C12orf75: variants seen among roughly 807,000 people sequenced by gnomAD.
The protein encoded by C12orf75 is overexpressed in colon carcinoma 1 protein.
C12orf75 carries 4 observed loss-of-function variants against 11.4 expected under a neutral mutation model. That is an observed-to-expected ratio of 0.35 (90% CI 0.17 to 0.80). The LOEUF (loss-of-function observed/expected upper bound fraction) is 0.80, where lower values mean the gene tolerates loss of function less well. Ranked by LOEUF, C12orf75 falls within the 30% of genes least tolerant of loss-of-function variation. C12orf75 has a pLI of 0.52. For synonymous variants in C12orf75, 30 were observed against 30.0 expected, an observed-to-expected ratio of 1.00 and a Z score of 0.00; for missense variants, 89 against 80.4, an observed-to-expected ratio of 1.11 and a Z score of -0.41.
chr12:105,369,908 T>C (rs1395025149), intron 5 of C12orf75, among the ~76,000 whole-genome samples: 1 of 152,220 alleles, frequency 6.6e-6, no homozygotes, highest in African/African-American at 2.4e-5. Flanking sequence ...GAGATGACTT[T>C]AGAAAAGAGA....
chr12:105,345,575 C>G (rs1592878877), intron 1 of C12orf75, among the ~76,000 whole-genome samples: 1 of 149,680 alleles, frequency 6.7e-6, no homozygotes, highest in African/African-American at 2.5e-5. Flanking sequence ...GCAAAGCTGT[C>G]GTTTGTGGGG....
intron 2 of C12orf75, among the ~76,000 whole-genome samples, chr12:105,362,784 G>T (rs1892891087): frequency 1.3e-5 from 2 of 152,190 alleles, no homozygotes; most frequent in African/African-American, 2.4e-5. Context: ...ACAAATCTGG[G>T]TTTGAATTCT....
chr12:105,346,489 C>T (rs1037203425), intron 1 of C12orf75, among the ~76,000 whole-genome samples: 2 of 152,148 alleles, frequency 1.3e-5, no homozygotes, highest in African/African-American at 2.4e-5. Flanking sequence ...ATCAAAAACA[C>T]TCTACTGTTG....
intron 1 of C12orf75, among the ~76,000 whole-genome samples, chr12:105,342,886 A>G (rs935879666): frequency 2.6e-5 from 4 of 152,246 alleles, no homozygotes; most frequent in Non-Finnish European, 5.9e-5. Flanking sequence ...GGGATTTGCT[A>G]TGCATTTTTA....
intron 4 of C12orf75, among the ~76,000 whole-genome samples, chr12:105,367,030 A>G (rs556243105): frequency 1.3e-5 from 2 of 152,376 alleles, no homozygotes; most frequent in African/African-American, 2.4e-5. Flanking sequence ...TTTCTGTAAT[A>G]TAAGATGACT....
intron 1 of C12orf75, among the ~76,000 whole-genome samples, chr12:105,331,171 G>T (rs1357607842): frequency 1.3e-5 from 2 of 151,950 alleles, no homozygotes; most frequent in African/African-American, 4.8e-5. Flanking sequence ...GGGAGCGCGG[G>T]GAGGACTGTC....
Position 105,330,825 on chromosome 12 carries a change from C to T in C12orf75, c.-67C>T. 1.6e-6 allele frequency: 2 copies of T among 1,231,050 alleles called. No homozygotes were observed. Among genetic ancestry groups the T allele is most frequent in the South Asian group, 3.5e-5 (1 of 28,386 alleles). 76.3% of individuals were successfully genotyped at this position (1,231,050 alleles called of 1,614,324 possible). On this transcript the variant is annotated 5_prime_UTR_variant, in exon 1 of 6. Coordinates refer to ENST00000443585, the MANE Select transcript of C12orf75 (RefSeq NM_001145199.2). ...CCGCTCGGGGTGCGCCGCCCTTCGT[C>T]TGGGTCTCCGCCCCCAGGACCCGCG...
At chr12:105,337,595 G>A (rs1892512666) in intron 1 of C12orf75, among the ~76,000 whole-genome samples, 1 of 152,088 alleles carries the variant, frequency 6.6e-6, no homozygotes, top group Non-Finnish European at 1.5e-5. Flanking sequence ...AGAACCAGGT[G>A]GCATCTCTTG....
At chr12:105,344,788 A>G (rs1376987068) in intron 1 of C12orf75, among the ~76,000 whole-genome samples, 1 of 151,596 alleles carries the variant, frequency 6.6e-6, no homozygotes, top group Non-Finnish European at 1.5e-5. Context: ...GGTCCACATT[A>G]TAATCATTGT....
chr12:105,348,746 A>G lies in C12orf75; in HGVS notation c.71+120A>G, dbSNP rs1354505327. The stretch of plus-strand genomic sequence containing the variant: ...GAAAAGACATGGAAATACTTTGTGT[A>G]TAATGCACATGTCAAGATGATCGTT... On this transcript the variant is annotated intron_variant, in intron 2 of 5. Coordinates refer to ENST00000443585, the MANE Select transcript of C12orf75 (RefSeq NM_001145199.2). 5.2e-6 allele frequency: 3 copies of G among 579,036 alleles called. No individual in the cohort carries two copies. In the South Asian group the frequency reaches 9.1e-5, roughly 18 times the overall value. The allele number at this position is 579,036 out of a possible 1,614,324, so 35.9% of individuals were successfully genotyped here.
At chr12:105,355,023 T>C (rs563943092) in intron 2 of C12orf75, among the ~76,000 whole-genome samples, 2 of 151,760 alleles carry the variant, frequency 1.3e-5, no homozygotes, top group Non-Finnish European at 2.9e-5. Context: ...TACTCTAAAA[T>C]GTGGTAAAAT....
At chr12:105,336,150 C>T (rs1264613019) in intron 1 of C12orf75, among the ~76,000 whole-genome samples, 1 of 152,130 alleles carries the variant, frequency 6.6e-6, no homozygotes, top group East Asian at 1.9e-4. Context: ...ATGGGCTTGG[C>T]GCATTTCAGG....
At chr12:105,357,125 G>A (rs1892794042) in intron 2 of C12orf75, among the ~76,000 whole-genome samples, 2 of 152,132 alleles carry the variant, frequency 1.3e-5, no homozygotes, top group African/African-American at 2.4e-5. Flanking sequence ...AATGTCTCCA[G>A]TTCATTCAGA....
At chr12:105,364,727 AT>A (rs937651989) in intron 2 of C12orf75, among the ~76,000 whole-genome samples, 5 of 148,000 alleles carry the variant, frequency 3.4e-5, no homozygotes, top group South Asian at 4.3e-4. Flanking sequence ...TTGTTGAATT[AT>A]TTTTTTTTTC....
In C12orf75 at chr12:105,366,419, C is replaced by CT. The variant is rs201119886; in HGVS notation, c.108-190dup. ...AATTCTACTAACGCAATACATCTTTCTTTTTTTTAAAAAAAATAGCTTCTT... is the reference window on the plus strand; with the variant it reads ...AATTCTACTAACGCAATACATCTTTCTTTTTTTTTAAAAAAAATAGCTTCTT... On this transcript the variant is annotated intron_variant, in intron 3 of 5. Coordinates refer to ENST00000443585, the MANE Select transcript of C12orf75 (RefSeq NM_001145199.2). The CT allele has an allele frequency of 8.4e-4, 326 of 386,304 alleles. 1 individual carries two copies. Among genetic ancestry groups the CT allele is most frequent in the East Asian group, 6.3e-3 (166 of 26,314 alleles). 23.9% of individuals were successfully genotyped at this position (386,304 alleles called of 1,614,324 possible). A position where few individuals can be genotyped will look rare whatever the true frequency, so the allele number is the denominator to read the frequency against.
intron 2 of C12orf75, among the ~76,000 whole-genome samples, chr12:105,355,756 A>T (rs1892772821): frequency 6.6e-6 from 1 of 152,226 alleles, no homozygotes; most frequent in African/African-American, 2.4e-5. Context: ...CAAATTTCTT[A>T]AGGTAAGGAG....
chr12:105,331,036 T>C, intron 1 of C12orf75, 99 bp downstream of exon 1: 1 of 746,692 alleles, frequency 1.3e-6, no homozygotes, highest in East Asian at 3.5e-5. Context: ...CAGCCCCCTC[T>C]CCCCGTCCCC....
At chr12:105,365,729 C>G in intron 2 of C12orf75, 78 bp from the exon 3 acceptor site, 5 of 933,222 alleles carry the variant, frequency 5.4e-6, no homozygotes, top group Non-Finnish European at 8.6e-6. Flanking sequence ...ACTCAGTAGT[C>G]CCTTTTTCTC....
At position 105,337,789 on chromosome 12, in the gene C12orf75, C is replaced by G. The variant is rs140994024; in HGVS notation, c.46+6852C>G. ...AAACAATAGCGGGTCATTGTTTATG[C>G]CTATTTTTTAGTAAAGTTTAAGCCC... On this transcript the variant is annotated intron_variant, in intron 1 of 5. Coordinates refer to ENST00000443585, the MANE Select transcript of C12orf75 (RefSeq NM_001145199.2). 3.3e-5 allele frequency among the ~76,000 whole-genome samples: 5 copies of G among 152,186 alleles called. No individual in the cohort carries two copies. In the East Asian group the frequency reaches 9.6e-4, roughly 29 times the overall value.
Sources: allele counts gnomAD v4.1 joint callset (sites outside exome capture counted in the v4.1 genomes callset), GRCh38; gene constraint gnomAD v4.1.1; transcripts MANE v1.5; gene names NCBI Gene and HGNC (gene_info 2026-07-23, HGNC 2026-07-21).